SCLT1: variants seen among roughly 807,000 people sequenced by gnomAD.
The protein encoded by SCLT1 is sodium channel-associated protein 1.
Under a neutral mutation model 112.8 loss-of-function variants are expected in SCLT1, and 78 were observed. That is an observed-to-expected ratio of 0.69 (90% CI 0.58 to 0.83). SCLT1 has a LOEUF of 0.83. Ranked by LOEUF, SCLT1 falls within the 40% of genes least tolerant of loss-of-function variation. The probability of loss-of-function intolerance (pLI) is 0.00; values close to 1 mark genes in which losing one functional copy is unlikely to be tolerated. For synonymous variants in SCLT1, 257 were observed against 254.7 expected, an observed-to-expected ratio of 1.01 and a Z score of -0.09; for missense variants, 747 against 770.4, an observed-to-expected ratio of 0.97 and a Z score of 0.36.
At chr4:129,038,296 A>C (rs1034985474) in intron 5 of SCLT1, among the ~76,000 whole-genome samples, 11 of 152,318 alleles carry the variant, frequency 7.2e-5, no homozygotes, top group African/African-American at 2.6e-4. Flanking sequence ...GTAAGAATGT[A>C]AATTGGTACA....
intron 1 of SCLT1, among the ~76,000 whole-genome samples, chr4:129,086,931 C>A (rs1213016805): frequency 6.6e-6 from 1 of 152,132 alleles, no homozygotes; most frequent in Non-Finnish European, 1.5e-5. Flanking sequence ...TTCTGCCTGA[C>A]ACACATGAAA....
At chr4:129,046,659 T>C (rs1748212583) in intron 2 of SCLT1, among the ~76,000 whole-genome samples, 1 of 152,158 alleles carries the variant, frequency 6.6e-6, no homozygotes, top group African/African-American at 2.4e-5. Flanking sequence ...AAAAGTCTTA[T>C]TGGTATAGGC....
At chr4:129,042,129 T>C (rs576397787) in intron 4 of SCLT1, among the ~76,000 whole-genome samples, 8 of 152,286 alleles carry the variant, frequency 5.3e-5, no homozygotes, top group Admixed American at 2.0e-4. Flanking sequence ...TACAACTGCA[T>C]TTATCCAGGA....
At chr4:129,039,544 T>C (rs1579808156) in intron 4 of SCLT1, 2 of 157,322 alleles carry the variant, frequency 1.3e-5, no homozygotes, top group South Asian at 1.9e-4. Flanking sequence ...AAGAAGAAAA[T>C]GGAGGTCTTT....
At chr4:129,089,576 C>T (rs557203652) in intron 1 of SCLT1, among the ~76,000 whole-genome samples, 9 of 152,220 alleles carry the variant, frequency 5.9e-5, no homozygotes, top group African/African-American at 2.2e-4. Flanking sequence ...ATGTTTAATG[C>T]GGCACTATTC....
intron 18 of SCLT1, among the ~76,000 whole-genome samples, chr4:128,900,816 C>T (rs1340769070): frequency 1.3e-4 from 19 of 151,930 alleles, no homozygotes; most frequent in African/African-American, 4.1e-4. Context: ...ACAATGAACT[C>T]AAACAAATTT....
intron 2 of SCLT1, among the ~76,000 whole-genome samples, chr4:129,069,823 G>A (rs577678985): frequency 2.0e-5 from 3 of 152,176 alleles, no homozygotes; most frequent in African/African-American, 4.8e-5. Context: ...GGGCATCCTC[G>A]TCTTGTTCCA....
At chr4:128,935,595 T>G (rs1471522669) in intron 18 of SCLT1, among the ~76,000 whole-genome samples, 1 of 150,734 alleles carries the variant, frequency 6.6e-6, no homozygotes, top group Non-Finnish European at 1.5e-5. Flanking sequence ...GCTGTAAAGA[T>G]TAAGTACATG....
chr4:129,046,535 C>T (rs534473274), intron 2 of SCLT1, among the ~76,000 whole-genome samples: 1 of 152,168 alleles, frequency 6.6e-6, no homozygotes, highest in Admixed American at 6.5e-5. Context: ...CTGACATATA[C>T]TATTTCACTT....
intron 7 of SCLT1, 30 bp downstream of exon 7, chr4:128,999,642 A>G (rs773769237): frequency 6.4e-7 from 1 of 1,571,496 alleles, no homozygotes; most frequent in Non-Finnish European, 8.7e-7. Context: ...TCTTATTGAT[A>G]TACAAGAAAA....
At chr4:128,970,001 T>C (rs185143624) in intron 10 of SCLT1, among the ~76,000 whole-genome samples, 4 of 152,326 alleles carry the variant, frequency 2.6e-5, no homozygotes, top group East Asian at 3.9e-4. Context: ...CTATTACATA[T>C]TAAAAAGAAC....
chr4:129,089,190 G>A (rs968739395), intron 1 of SCLT1, among the ~76,000 whole-genome samples: 1 of 152,106 alleles, frequency 6.6e-6, no homozygotes, highest in African/African-American at 2.4e-5. Flanking sequence ...TCAAAAAGTG[G>A]GCAAAGGATA....
At chr4:128,995,356 C>T (rs1742920688) in intron 8 of SCLT1, among the ~76,000 whole-genome samples, 1 of 152,114 alleles carries the variant, frequency 6.6e-6, no homozygotes, top group African/African-American at 2.4e-5. Context: ...TTTGTTCATA[C>T]ATTGTTCTTT....
At chr4:129,064,041 A>T (rs1489497010) in intron 2 of SCLT1, among the ~76,000 whole-genome samples, 1 of 152,164 alleles carries the variant, frequency 6.6e-6, no homozygotes, top group Non-Finnish European at 1.5e-5. Context: ...GAACTTCTCT[A>T]GCCTTTAAAC....
At chr4:129,091,947 C>A (rs747063639) in intron 1 of SCLT1, among the ~76,000 whole-genome samples, 3 of 152,168 alleles carry the variant, frequency 2.0e-5, no homozygotes, top group Non-Finnish European at 4.4e-5. Flanking sequence ...TTCCTAACTT[C>A]CCCGTTGCTC....
intron 13 of SCLT1, 50 bp from the exon 14 acceptor site, chr4:128,952,890 T>C (rs1201586893): frequency 1.1e-6 from 1 of 888,522 alleles, no homozygotes; most frequent in Non-Finnish European, 1.9e-6. Context: ...TAAAAATGAT[T>C]AATATCTGAT....
intron 18 of SCLT1, 132 bp from the exon 19 acceptor site, chr4:128,891,269 T>C: frequency 1.5e-6 from 1 of 652,082 alleles, no homozygotes. Context: ...CACTTACTAA[T>C]AGACCATATC....
chr4:129,001,015 A>G (rs1232709293), intron 6 of SCLT1, among the ~76,000 whole-genome samples: 2 of 152,036 alleles, frequency 1.3e-5, no homozygotes, highest in Non-Finnish European at 2.9e-5. Context: ...TTGTAGATAA[A>G]CACAGAATAT....
intron 2 of SCLT1, among the ~76,000 whole-genome samples, chr4:129,051,237 A>C (rs911635038): frequency 6.6e-6 from 1 of 152,096 alleles, no homozygotes; most frequent in Non-Finnish European, 1.5e-5. Context: ...TGAAATTTAA[A>C]GTAGTTTTTT....
Sources: gnomAD v4.1 joint callset for allele counts (sites outside exome capture counted in the v4.1 genomes callset) on GRCh38, gnomAD v4.1.1 for gene constraint, MANE v1.5 for transcripts, NCBI Gene and HGNC (gene_info 2026-07-23, HGNC 2026-07-21) for gene names.